Variants in DOK5 observed in about 807,000 individuals in gnomAD.
DOK5 encodes the protein docking protein 5.
DOK5 carries 27 observed loss-of-function variants against 43.3 expected under a neutral mutation model. That is an observed-to-expected ratio of 0.62 (90% CI 0.46 to 0.86). DOK5 has a LOEUF of 0.86. DOK5 is among the 40% of genes least tolerant of loss of function. The probability of loss-of-function intolerance (pLI) is 0.00; values close to 1 mark genes in which losing one functional copy is unlikely to be tolerated. For synonymous variants in DOK5, 146 were observed against 140.1 expected (o/e 1.04, Z -0.30); for missense variants, 373 against 392.9 (o/e 0.95, Z 0.43).
At chr20:54,589,615 G>A (rs1371793364) in intron 4 of DOK5, among the ~76,000 whole-genome samples, 3 of 152,160 alleles carry the variant, frequency 2.0e-5, no homozygotes, top group African/African-American at 7.2e-5. Flanking sequence ...GAGTTCTGCT[G>A]TAGGCTGACT....
chr20:54,632,303 G>C (rs150319489), intron 6 of DOK5, among the ~76,000 whole-genome samples: 1 of 152,096 alleles, frequency 6.6e-6, no homozygotes, highest in African/African-American at 2.4e-5. Flanking sequence ...GCTTTTTGTC[G>C]TTGTTGCCTA....
intron 6 of DOK5, among the ~76,000 whole-genome samples, chr20:54,629,723 C>G (rs1472880369): frequency 6.6e-6 from 1 of 152,142 alleles, no homozygotes; most frequent in African/African-American, 2.4e-5. Context: ...ATATCAAGAA[C>G]TGATAGTTGC....
chr20:54,548,307 T>C (rs1003048023), intron 1 of DOK5, among the ~76,000 whole-genome samples: 1 of 152,106 alleles, frequency 6.6e-6, no homozygotes, highest in Non-Finnish European at 1.5e-5. Flanking sequence ...CAATCTTGAC[T>C]CACTGCAGCC....
chr20:54,619,023 T>TTATATATATA (rs11468808), intron 6 of DOK5, among the ~76,000 whole-genome samples: 7 of 43,402 alleles, frequency 1.6e-4, no homozygotes, highest in South Asian at 1.4e-3. Flanking sequence ...TTTCAATAAA[T>TTATATATATA]TATATATATA....
intron 1 of DOK5, among the ~76,000 whole-genome samples, chr20:54,506,574 G>A (rs530106267): frequency 4.6e-5 from 7 of 152,204 alleles, no homozygotes; most frequent in East Asian, 1.9e-4. Flanking sequence ...GATCTCCCAC[G>A]TCAGCCTCCC....
intron 4 of DOK5, among the ~76,000 whole-genome samples, 177 bp downstream of exon 4, chr20:54,588,983 CTT>C (rs1406178952): frequency 6.6e-6 from 1 of 151,886 alleles, no homozygotes; most frequent in African/African-American, 2.4e-5. Context: ...TTTTCTTATT[CTT>C]TTTCCAATTC....
At chr20:54,560,885 G>A (rs1984880594) in intron 2 of DOK5, among the ~76,000 whole-genome samples, 1 of 152,178 alleles carries the variant, frequency 6.6e-6, no homozygotes, top group East Asian at 1.9e-4. Flanking sequence ...GCCTCCCAAA[G>A]TGCTGGGATT....
At chr20:54,594,312 AGC>A (rs1234343269) in intron 5 of DOK5, among the ~76,000 whole-genome samples, 3 of 152,204 alleles carry the variant, frequency 2.0e-5, no homozygotes, top group Non-Finnish European at 4.4e-5. Context: ...GGATCACTTG[AGC>A]CTGGGAGGTC....
chr20:54,502,179 T>C (rs1327076599), intron 1 of DOK5, among the ~76,000 whole-genome samples: 1 of 152,236 alleles, frequency 6.6e-6, no homozygotes, highest in Admixed American at 6.5e-5. Flanking sequence ...TTAATAACCA[T>C]TATACCAGTG....
At chr20:54,540,749 C>T (rs566318192) in intron 1 of DOK5, among the ~76,000 whole-genome samples, 3 of 152,128 alleles carry the variant, frequency 2.0e-5, no homozygotes, top group Non-Finnish European at 4.4e-5. Flanking sequence ...GTCTTGAACT[C>T]CTGGCCTCCT....
intron 1 of DOK5, among the ~76,000 whole-genome samples, chr20:54,532,868 C>T (rs1983826841): frequency 6.6e-6 from 1 of 152,162 alleles, no homozygotes. Flanking sequence ...TTTGAAAATG[C>T]TTTAAAATTT....
At chr20:54,487,107 AC>A (rs1375133712) in intron 1 of DOK5, among the ~76,000 whole-genome samples, 27 of 152,204 alleles carry the variant, frequency 1.8e-4, no homozygotes, top group Admixed American at 5.2e-4. Flanking sequence ...TGATTATAAG[AC>A]TGGCCACAGT....
At chr20:54,497,038 A>G (rs1437235658) in intron 1 of DOK5, among the ~76,000 whole-genome samples, 1 of 152,178 alleles carries the variant, frequency 6.6e-6, no homozygotes, top group East Asian at 1.9e-4. Flanking sequence ...GTGATTCTGG[A>G]CACGTTACTT....
chr20:54,498,375 G>A, intron 1 of DOK5, among the ~76,000 whole-genome samples: 1 of 152,272 alleles, frequency 6.6e-6, no homozygotes, highest in Middle Eastern at 3.4e-3. Context: ...GGATTAAATT[G>A]TCTTATTTCA....
chr20:54,553,138 C>T (rs1009603387), intron 1 of DOK5, among the ~76,000 whole-genome samples: 2 of 152,174 alleles, frequency 1.3e-5, no homozygotes, highest in African/African-American at 4.8e-5. Context: ...GAGCAGCCAC[C>T]CGTCTGCACT....
At chr20:54,586,423 G>A (rs1985804242) in intron 2 of DOK5, among the ~76,000 whole-genome samples, 1 of 152,140 alleles carries the variant, frequency 6.6e-6, no homozygotes, top group Non-Finnish European at 1.5e-5. Context: ...CCTTCTAGAA[G>A]CACCATACAA....
chr20:54,578,712 G>A (rs1038603610), intron 2 of DOK5, among the ~76,000 whole-genome samples: 8 of 152,072 alleles, frequency 5.3e-5, no homozygotes, highest in African/African-American at 1.9e-4. Flanking sequence ...ATTTATAATT[G>A]TGTCTCCTGT....
intron 1 of DOK5, among the ~76,000 whole-genome samples, chr20:54,476,374 C>T (rs893902437): frequency 5.3e-5 from 8 of 152,170 alleles, no homozygotes; most frequent in Non-Finnish European, 8.8e-5. Context: ...TTTTCCCACT[C>T]GCCGCCAACT....
At chr20:54,528,239 T>C (rs558017620) in intron 1 of DOK5, among the ~76,000 whole-genome samples, 2 of 152,194 alleles carry the variant, frequency 1.3e-5, no homozygotes, top group South Asian at 4.2e-4. Context: ...AACTCATACA[T>C]GTATAGATAA....
Sources: allele counts gnomAD v4.1 joint callset (sites outside exome capture counted in the v4.1 genomes callset), GRCh38; gene constraint gnomAD v4.1.1; transcripts MANE v1.5; gene names NCBI Gene and HGNC (gene_info 2026-07-23, HGNC 2026-07-21).